Variants in MCC observed in about 807,000 individuals in gnomAD.
MCC encodes the protein colorectal mutant cancer protein.
A neutral mutation model predicts 116.2 loss-of-function variants in MCC; 90 were observed. That is an observed-to-expected ratio of 0.77 (90% CI 0.65 to 0.92). MCC has a LOEUF of 0.92. Ranked by LOEUF, MCC falls within the 40% of genes least tolerant of loss-of-function variation. The probability of loss-of-function intolerance (pLI) is 0.00; values close to 1 mark genes in which losing one functional copy is unlikely to be tolerated. For missense variants in MCC, 1,516 were observed against 1,312.2 expected, an observed-to-expected ratio of 1.16 and a Z score of -2.40; for synonymous variants, 578 against 510.5, an observed-to-expected ratio of 1.13 and a Z score of -1.78.
At chr5:113,146,036 A>T (rs1463020846) in intron 4 of MCC, among the ~76,000 whole-genome samples, 1 of 152,248 alleles carries the variant, frequency 6.6e-6, no homozygotes, top group Non-Finnish European at 1.5e-5. Flanking sequence ...AGGAGAAGTA[A>T]CAAGAATATA....
intron 3 of MCC, among the ~76,000 whole-genome samples, chr5:113,172,064 G>C (rs986678605): frequency 5.3e-5 from 8 of 152,208 alleles, no homozygotes. Context: ...GATTCTATAT[G>C]AGAACAGGTA....
At chr5:113,149,102 C>G (rs1214145280) in intron 4 of MCC, among the ~76,000 whole-genome samples, 1 of 152,096 alleles carries the variant, frequency 6.6e-6, no homozygotes, top group Non-Finnish European at 1.5e-5. Context: ...TAAATGCATT[C>G]ACAATTTTCT....
chr5:113,181,915 T>C (rs1761648944), intron 3 of MCC, among the ~76,000 whole-genome samples: 1 of 152,184 alleles, frequency 6.6e-6, no homozygotes, highest in African/African-American at 2.4e-5. Flanking sequence ...GCAGATATGT[T>C]GCTCTCCAAG....
chr5:113,278,600 T>C (rs1490320638), intron 3 of MCC, among the ~76,000 whole-genome samples: 1 of 152,168 alleles, frequency 6.6e-6, no homozygotes, highest in African/African-American at 2.4e-5. Context: ...TTTAAGGATG[T>C]GGATAGTATA....
chr5:113,074,935 G>A (rs531480891), intron 11 of MCC, among the ~76,000 whole-genome samples: 172 of 151,398 alleles, frequency 1.1e-3, no homozygotes, highest in African/African-American at 4.1e-3. Context: ...CACCTCGTCG[G>A]CCTCGGTGTC....
At chr5:113,294,253 G>A in intron 3 of MCC, 1 of 1,595,400 alleles carries the variant, frequency 6.3e-7, no homozygotes, top group Non-Finnish European at 8.6e-7. Context: ...GGGCTGTGGG[G>A]AGGTCGAGGG....
chr5:113,381,294 A>G (rs1769113099), intron 2 of MCC, among the ~76,000 whole-genome samples: 1 of 152,176 alleles, frequency 6.6e-6, no homozygotes, highest in Admixed American at 6.5e-5. Flanking sequence ...TTCCTAGGTA[A>G]AGGTTATCTG....
chr5:113,102,321 T>C (rs1271149961), intron 7 of MCC, among the ~76,000 whole-genome samples: 1 of 152,228 alleles, frequency 6.6e-6, no homozygotes, highest in African/African-American at 2.4e-5. Flanking sequence ...GTGATCCTGG[T>C]AATGTGAGGA....
chr5:113,180,341 A>G (rs978471239), intron 3 of MCC, among the ~76,000 whole-genome samples: 1 of 152,194 alleles, frequency 6.6e-6, no homozygotes, highest in African/African-American at 2.4e-5. Flanking sequence ...TCAGAAATCT[A>G]ATGAAGAAAA....
rs1229281974 is a variant in MCC at position 113,023,983 on chromosome 5, C to T, written c.*3319G>A. On this transcript the variant is annotated 3_prime_UTR_variant, in exon 19 of 19. Coordinates refer to ENST00000408903, the MANE Select transcript of MCC (RefSeq NM_001085377.2). ...TTTTTCTCATTTAAAATAATCTAAT[C>T]TGTATCCAGTTAGGAACCAGAAGAC... 1.3e-5 allele frequency: 2 copies of T among 152,156 alleles called. No individual in the cohort carries two copies. Among genetic ancestry groups the T allele is most frequent in the Non-Finnish European group, 2.9e-5 (2 of 68,028 alleles). The allele number at this position is 152,156 out of a possible 1,614,324, so 9.4% of individuals were successfully genotyped here.
intron 1 of MCC, among the ~76,000 whole-genome samples, chr5:113,485,744 C>T (rs1036851447): frequency 9.8e-5 from 15 of 152,308 alleles, no homozygotes; most frequent in African/African-American, 3.6e-4. Context: ...CAGATTTCTA[C>T]TAGGTGACAA....
At chr5:113,475,462 T>C (rs1772212533) in intron 1 of MCC, among the ~76,000 whole-genome samples, 1 of 152,228 alleles carries the variant, frequency 6.6e-6, no homozygotes, top group Admixed American at 6.5e-5. Context: ...CCATCTTTTT[T>C]TCTCCCATCA....
Position 113,064,020 on chromosome 5 carries a change from T to C in MCC, c.2177A>G (p.Gln726Arg). 4 of 1,613,886 alleles carry C rather than the reference T, an allele frequency of 2.5e-6. No homozygotes were observed. The highest frequency in any genetic ancestry group is 2.5e-6 in the Non-Finnish European group (3 of 1,179,992). Residue 726 changes from glutamine (Q) to arginine (R), a missense_variant, in exon 14 of 19, where the codon CAG becomes CGG. Transcript: ENST00000408903. ...GAFAVAGCSV[Q>R]PWESLSSNSH... ...GTTGGAGGAAAGGCTCTCCCAGGGC[T>C]GCACGCTGCAGCCGGCCACGGCAAA...
At chr5:113,036,875 T>A (rs781582595) in intron 17 of MCC, among the ~76,000 whole-genome samples, 1 of 152,228 alleles carries the variant, frequency 6.6e-6, no homozygotes. Flanking sequence ...TTCTAGGCAC[T>A]TGGCTCTGGG....
chr5:113,338,172 T>C (rs1406222949), intron 3 of MCC, among the ~76,000 whole-genome samples: 2 of 152,238 alleles, frequency 1.3e-5, no homozygotes, highest in Admixed American at 1.3e-4. Flanking sequence ...AGTGTAATCA[T>C]AGTCATAGGA....
At chr5:113,066,523 T>C (rs979458653) in intron 13 of MCC, among the ~76,000 whole-genome samples, 1 of 152,214 alleles carries the variant, frequency 6.6e-6, no homozygotes, top group African/African-American at 2.4e-5. Flanking sequence ...AGCATCACTC[T>C]CCATACAAAT....
Position 113,451,172 on chromosome 5 carries a change from A to G in MCC, c.170+37073T>C, listed in dbSNP as rs540062322. Among the ~76,000 whole-genome samples, 24 of 152,312 alleles carry G rather than the reference A, an allele frequency of 1.6e-4. No individual in the cohort carries two copies. In the East Asian group the frequency reaches 4.1e-3, roughly 26 times the overall value. ...GCCAACCACACCTATAAGATGCTTT[A>G]TCTCAGTACACCCTTTCACTACTTC... On this transcript the variant is annotated intron_variant, in intron 1 of 18. Transcript: ENST00000408903.
chr5:113,156,914 A>G (rs994692439), intron 3 of MCC, among the ~76,000 whole-genome samples: 1 of 152,212 alleles, frequency 6.6e-6, no homozygotes, highest in Admixed American at 6.5e-5. Context: ...TCTAAGGACA[A>G]GCCCTCTTAG....
chr5:113,195,234 T>G (rs780487810), intron 3 of MCC, among the ~76,000 whole-genome samples: 3 of 152,168 alleles, frequency 2.0e-5, no homozygotes, highest in Non-Finnish European at 2.9e-5. Context: ...TTCTCAACAG[T>G]GTGTGCTCGG....
Sources: allele counts gnomAD v4.1 joint callset (sites outside exome capture counted in the v4.1 genomes callset), GRCh38; gene constraint gnomAD v4.1.1; transcripts MANE v1.5; gene names NCBI Gene and HGNC (gene_info 2026-07-23, HGNC 2026-07-21).